The following CBFA2T3 variants were observed in gnomAD, a reference collection of about 807,000 sequenced individuals.
CBFA2T3 encodes the protein transcriptional corepressor CBFA2T3.
In CBFA2T3, 31 loss-of-function variants were observed where a neutral mutation model predicts 58.6. The ratio of observed to expected loss-of-function variants is 0.53; its 90% CI spans 0.40 to 0.71. The LOEUF (loss-of-function observed/expected upper bound fraction) is 0.71. CBFA2T3 is among the 30% of genes least tolerant of loss of function. The probability of loss-of-function intolerance (pLI) is 0.00; values close to 1 mark genes in which losing one functional copy is unlikely to be tolerated. For synonymous variants in CBFA2T3, 531 were observed against 421.9 expected (o/e 1.26, Z -3.17); for missense variants, 1,076 against 963.1 (o/e 1.12, Z -1.55).
At position 88,881,402 on chromosome 16, in the gene CBFA2T3, G is replaced by C; in HGVS notation, c.1291C>G (p.Leu431Val). The C allele has an allele frequency of 1.9e-6, 3 of 1,605,406 alleles. No homozygotes were observed. Among genetic ancestry groups the C allele is most frequent in the Non-Finnish European group, 2.5e-6 (3 of 1,177,238 alleles). Residue 431 changes from leucine to valine, a missense_variant, in exon 9 of 12, where the codon CTC becomes GTC. By Grantham distance (32) the Leu-to-Val change is conservative (BLOSUM62 1). Coordinates refer to ENST00000268679, the MANE Select transcript of CBFA2T3 (RefSeq NM_005187.6). ...CTGTAGCGCCGCGCCCAGTGGTTGA[G>C]CTCCTCGCGGTCGGCCTCCTGGCAC... is the stretch of plus-strand genomic sequence containing the variant. Reference protein sequence around the residue: ...RRCQEADREELNHWARRYSDA... With the variant: ...RRCQEADREEVNHWARRYSDA...
chr16:88,932,169 C>T (rs1276880615), intron 1 of CBFA2T3, among the ~76,000 whole-genome samples: 1 of 136,912 alleles, frequency 7.3e-6, no homozygotes, highest in African/African-American at 3.3e-5. Flanking sequence ...CCTCACACGG[C>T]CCCTGCTTCC....
intron 1 of CBFA2T3, among the ~76,000 whole-genome samples, chr16:88,928,345 G>A (rs566506635): frequency 6.9e-4 from 105 of 152,354 alleles, no homozygotes; most frequent in Non-Finnish European, 1.1e-3. Context: ...TGACCAGGTG[G>A]AGCGGGCCCG....
At chr16:88,888,049 C>T (rs749847919) in intron 5 of CBFA2T3, among the ~76,000 whole-genome samples, 6 of 152,234 alleles carry the variant, frequency 3.9e-5, no homozygotes, top group South Asian at 2.1e-4. Context: ...TGCAAACTAG[C>T]GCTGTGGAGC....
In CBFA2T3 at chr16:88,885,293, G is replaced by A. The variant is rs750615296; in HGVS notation, c.894-24C>T. 20 of 1,481,170 alleles carry A rather than the reference G, an allele frequency of 1.4e-5. No homozygotes were observed. The highest frequency in any genetic ancestry group is 2.4e-5 in the East Asian group (1 of 42,058). 91.8% of individuals were successfully genotyped at this position (1,481,170 alleles called of 1,614,324 possible). A position where few individuals can be genotyped will look rare whatever the true frequency, so the allele number is the denominator to read the frequency against. ...TCCTAGCCCCAAGAGCAGGTGGGGC[G>A]AGGGCAGTGGACATAGGATGAACCG... On this transcript the variant is annotated intron_variant, in intron 6 of 11. Transcript: ENST00000268679. The surrounding 1 kb of genome is among the most constrained non-coding windows in gnomAD (Gnocchi z 5.3).
At chr16:88,966,195 C>A (rs1268055158) in intron 1 of CBFA2T3, among the ~76,000 whole-genome samples, 8 of 152,232 alleles carry the variant, frequency 5.3e-5, no homozygotes, top group Admixed American at 2.0e-4. Flanking sequence ...AGTCCCAGGA[C>A]TTCCCCGACC....
chr16:88,914,787 G>A (rs1970638468), intron 1 of CBFA2T3, among the ~76,000 whole-genome samples: 1 of 152,220 alleles, frequency 6.6e-6, no homozygotes, highest in Non-Finnish European at 1.5e-5. Context: ...AGAGGCTGGA[G>A]TGAAAAATCT....
intron 1 of CBFA2T3, among the ~76,000 whole-genome samples, chr16:88,912,150 C>T (rs915268302): frequency 6.6e-6 from 1 of 152,262 alleles, no homozygotes; most frequent in Non-Finnish European, 1.5e-5. Context: ...CCCACCCGCG[C>T]CTCCCCAACC....
At position 88,875,138 on chromosome 16, in the gene CBFA2T3, G is replaced by GGCCACGCCACGC. The variant is rs1043422687; in HGVS notation, c.*1826_*1837dup. 2.6e-5 allele frequency: 6 copies of GGCCACGCCACGC among 234,916 alleles called. No homozygotes were observed. Among genetic ancestry groups the GGCCACGCCACGC allele is most frequent in the Non-Finnish European group, 4.2e-5 (5 of 119,464 alleles). 14.6% of individuals were successfully genotyped at this position (234,916 alleles called of 1,614,324 possible). ...CCACACACACAGATGCCAGGCCACG[G>GGCCACGCCACGC]GCCACGCCACGCACACAGATGCCAG... On this transcript the variant is annotated 3_prime_UTR_variant, in exon 12 of 12. Coordinates refer to ENST00000268679, the MANE Select transcript of CBFA2T3 (RefSeq NM_005187.6).
At chr16:88,883,468 T>G (rs1429762772) in intron 7 of CBFA2T3, 3 of 153,044 alleles carry the variant, frequency 2.0e-5, no homozygotes, top group Admixed American at 6.5e-5. Context: ...TCTGCTCAGT[T>G]AAACTCTGTT....
At chr16:88,973,645 C>T (rs996436520) in intron 1 of CBFA2T3, among the ~76,000 whole-genome samples, 7 of 152,320 alleles carry the variant, frequency 4.6e-5, no homozygotes, top group South Asian at 2.1e-4. Flanking sequence ...GGACCCAGGA[C>T]GTTCCAGACC....
rs1260984286 is a variant in CBFA2T3, at chr16:88,932,215, CCCG to C, written c.152-30562_152-30560del. The stretch of plus-strand genomic sequence containing the variant: ...GCCCCCGCTTCCCCCTCACACGGCC[CCCG>C]CTTCCCCCTCACATGGCCCCCGCTT... On this transcript the variant is annotated intron_variant, in intron 1 of 11. Transcript: ENST00000268679. Among the ~76,000 whole-genome samples the C allele has an allele frequency of 2.1e-3, 259 of 125,830 alleles. 4 individuals carry two copies. The highest frequency in any genetic ancestry group is 8.5e-3 in the African/African-American group (243 of 28,430). 82.5% of individuals were successfully genotyped at this position (125,830 alleles called of 152,430 possible). A position where few individuals can be genotyped will look rare whatever the true frequency, so the allele number is the denominator to read the frequency against.
chr16:88,972,805 G>C lies in CBFA2T3; in HGVS notation c.151+3852C>G, dbSNP rs939036779. Among the ~76,000 whole-genome samples the C allele has an allele frequency of 2.6e-5, 4 of 152,328 alleles. No individual in the cohort carries two copies. The East Asian group carries it at 7.7e-4, about 29-fold the overall frequency. ...CCCAACACCATGTGGTCAACAAAAG[G>C]GGGGACAGGAGGCGGGAGGTGAGGT... On this transcript the variant is annotated intron_variant, in intron 1 of 11. Transcript: ENST00000268679.
chr16:88,885,966 G>C lies in CBFA2T3; in HGVS notation c.888C>G (p.Pro296=), dbSNP rs923488476. The change falls in exon 6 of 12, where the codon CCC becomes CCG. Residue 296 remains proline, a synonymous_variant. Transcript: ENST00000268679. The surrounding 1 kb of genome is among the most constrained non-coding windows in gnomAD (Gnocchi z 5.3). ...TCCCCGGAGCCCACAGGTACCTGTC[G>C]GGCGTCCTCCTCTTGCCGTTCTCGT... ...EVNENGKRRT[P]DRTKENGSDR... 3 of 1,548,650 alleles carry C rather than the reference G, an allele frequency of 1.9e-6. No individual in the cohort carries two copies. The highest frequency in any genetic ancestry group is 2.4e-5 in the East Asian group (1 of 41,066).
rs1972869094 is a variant in CBFA2T3, at chr16:88,976,656, C to A, written c.151+1G>T. ...CACCACCTTCCCCTCGAGCCTCTTA[C>A]CTGGGCCGCCCTTCCTGGGACCCCG... On this transcript the variant is annotated splice_donor_variant, in intron 1 of 11. Coordinates refer to ENST00000268679, the MANE Select transcript of CBFA2T3 (RefSeq NM_005187.6). LOFTEE classifies it high-confidence loss of function. 1.3e-5 allele frequency: 20 copies of A among 1,558,698 alleles called. No homozygotes were observed. Among genetic ancestry groups the A allele is most frequent in the Non-Finnish European group, 1.7e-5 (20 of 1,151,126 alleles).
chr16:88,894,321 T>C (rs866109239), intron 3 of CBFA2T3, among the ~76,000 whole-genome samples: 8 of 42,124 alleles, frequency 1.9e-4, no homozygotes, highest in African/African-American at 9.9e-4. Context: ...ATGCACACAA[T>C]GTACACACAT....
chr16:88,890,439 G>A (rs941282432), intron 5 of CBFA2T3, among the ~76,000 whole-genome samples: 1 of 152,220 alleles, frequency 6.6e-6, no homozygotes, highest in Non-Finnish European at 1.5e-5. Context: ...AGCAGTACGG[G>A]CAGTGCTCAG....
At chr16:88,880,151 G>A (rs751339956) in intron 10 of CBFA2T3, 20 of 156,406 alleles carry the variant, frequency 1.3e-4, no homozygotes, top group Middle Eastern at 6.1e-3. Context: ...TGCCCACGCA[G>A]CTGGGGAGGC....
At chr16:88,886,282 T>C in intron 5 of CBFA2T3, 140 bp from the exon 6 acceptor site, 1 of 421,734 alleles carries the variant, frequency 2.4e-6, no homozygotes. Flanking sequence ...TCGACCTCTC[T>C]GGGCCTCAAG....
At chr16:88,882,861 T>A in intron 7 of CBFA2T3, 100 bp from the exon 8 acceptor site, 1 of 818,120 alleles carries the variant, frequency 1.2e-6, no homozygotes, top group Non-Finnish European at 2.0e-6. Flanking sequence ...ACCCGTGGGC[T>A]GTGCCCGCTG....
Sources: allele counts gnomAD v4.1 joint callset (sites outside exome capture counted in the v4.1 genomes callset), GRCh38; gene constraint gnomAD v4.1.1; non-coding constraint Gnocchi (gnomAD v3.1); transcripts MANE v1.5; gene names NCBI Gene and HGNC (gene_info 2026-07-23, HGNC 2026-07-21).